MAP3K9: variants seen among roughly 807,000 people sequenced by gnomAD.
MAP3K9 encodes mixed lineage kinase 1 (tyr and ser/thr specificity).
Under a neutral mutation model 95.8 loss-of-function variants are expected in MAP3K9, and 46 were observed. The ratio of observed to expected loss-of-function variants is 0.48; its 90% CI spans 0.38 to 0.61. MAP3K9 has a LOEUF of 0.61. Among genes scored for constraint, MAP3K9 ranks in the 20% least tolerant of loss-of-function variants. MAP3K9 has a pLI of 0.00. For missense variants in MAP3K9, 1,296 were observed against 1,474.3 expected (o/e 0.88, Z 1.98); for synonymous variants, 533 against 593.8 (o/e 0.90, Z 1.49).
intron 2 of MAP3K9, among the ~76,000 whole-genome samples, chr14:70,798,957 CAAG>C (rs1318868203): frequency 6.6e-6 from 1 of 152,060 alleles, no homozygotes; most frequent in Non-Finnish European, 1.5e-5. Flanking sequence ...CATACCCTTA[CAAG>C]AAGGAGTTTT....
chr14:70,760,876 G>T, intron 3 of MAP3K9, 126 bp downstream of exon 3: 3 of 919,058 alleles, frequency 3.3e-6, no homozygotes, highest in Non-Finnish European at 3.3e-6. Flanking sequence ...ATGACTCTTG[G>T]GGGAGGTCAC....
chr14:70,806,174 C>T lies in MAP3K9; in HGVS notation c.406+2592G>A, dbSNP rs1216906376. Among the ~76,000 whole-genome samples, 3 of 152,202 alleles carry T rather than the reference C, an allele frequency of 2.0e-5. No homozygotes were observed. In the South Asian group the frequency reaches 6.2e-4, roughly 32 times the overall value. Reference sequence around the variant, plus strand: ...AGACAAGGTTTGTCAATCGTCTTCACTTTCCGAGTGACACAAACTGATCTG... The same window carrying T: ...AGACAAGGTTTGTCAATCGTCTTCATTTTCCGAGTGACACAAACTGATCTG... On this transcript the variant is annotated intron_variant, in intron 1 of 11. Coordinates refer to ENST00000554752, the MANE Select transcript of MAP3K9 (RefSeq NM_001284230.2).
At chr14:70,769,411 A>G (rs1202518912) in intron 2 of MAP3K9, among the ~76,000 whole-genome samples, 1 of 152,188 alleles carries the variant, frequency 6.6e-6, no homozygotes, top group Non-Finnish European at 1.5e-5. Flanking sequence ...AGCTATGTAC[A>G]CATCTCTAAA....
At chr14:70,795,164 T>G (rs116933029) in intron 2 of MAP3K9, among the ~76,000 whole-genome samples, 2,820 of 151,388 alleles carry the variant, frequency 0.019, 36 homozygotes, top group Non-Finnish European at 0.03. Context: ...CGGCTATTTT[T>G]TTTGTTTGTT....
Position 70,732,858 on chromosome 14 carries a change from G to A in MAP3K9, c.2511C>T (p.Leu837=). 6.2e-7 allele frequency: 1 copy of A among 1,613,982 alleles called. No individual in the cohort carries two copies. The highest frequency in any genetic ancestry group is 8.5e-7 in the Non-Finnish European group (1 of 1,179,904). The change falls in exon 11 of 12, where the codon CTC becomes CTT. Residue 837 remains leucine (L), a synonymous_variant. Transcript: ENST00000554752. ...DPSASLTLLS[L]SSISECNSTR... ...TGGAGTTGCACTCGGAGATGGAGGA[G>A]AGGGAGAGCAGCGTCAGGGAGGCAG...
chr14:70,788,395 C>A (rs973448761), intron 2 of MAP3K9, among the ~76,000 whole-genome samples: 1 of 152,314 alleles, frequency 6.6e-6, no homozygotes, highest in South Asian at 2.1e-4. Flanking sequence ...AAGAACTTCA[C>A]CTAGATGATC....
intron 5 of MAP3K9, 83 bp from the exon 6 acceptor site, chr14:70,742,674 G>A: frequency 6.6e-7 from 1 of 1,509,288 alleles, no homozygotes; most frequent in South Asian, 1.3e-5. Context: ...AGAGCTCCCA[G>A]AGGGCTTATG....
intron 2 of MAP3K9, among the ~76,000 whole-genome samples, chr14:70,789,212 GCA>G (rs1025834486): frequency 6.6e-6 from 1 of 152,168 alleles, no homozygotes; most frequent in African/African-American, 2.4e-5. Flanking sequence ...AGAGGCTTTT[GCA>G]CAGTTAGAAG....
chr14:70,741,353 G>T (rs766646807), intron 6 of MAP3K9, among the ~76,000 whole-genome samples: 65 of 152,106 alleles, frequency 4.3e-4, no homozygotes, highest in Non-Finnish European at 7.3e-4. Context: ...GCCTCCCAAA[G>T]TGCTGGGATT....
At chr14:70,805,455 C>T (rs140127494) in intron 1 of MAP3K9, among the ~76,000 whole-genome samples, 10 of 152,246 alleles carry the variant, frequency 6.6e-5, no homozygotes, top group South Asian at 2.1e-4. Context: ...AAAATAAAGA[C>T]GATGGATGAG....
chr14:70,757,536 A>G (rs1363610426), intron 3 of MAP3K9, among the ~76,000 whole-genome samples: 1 of 152,042 alleles, frequency 6.6e-6, no homozygotes, highest in African/African-American at 2.4e-5. Context: ...CCAGCTATCT[A>G]TTTTGTATAA....
At chr14:70,789,972 G>A (rs1215897687) in intron 2 of MAP3K9, among the ~76,000 whole-genome samples, 2 of 152,188 alleles carry the variant, frequency 1.3e-5, no homozygotes, top group Non-Finnish European at 2.9e-5. Flanking sequence ...AAGTGAGCAG[G>A]AAGCAAGTGT....
intron 3 of MAP3K9, among the ~76,000 whole-genome samples, chr14:70,758,373 C>CT (rs949490713): frequency 2.6e-5 from 4 of 151,946 alleles, no homozygotes; most frequent in South Asian, 2.1e-4. Context: ...ATAATAATAA[C>CT]TTTTTTTTTA....
Position 70,734,484 on chromosome 14 carries a change from A to T in MAP3K9, c.1928T>A (p.Val643Glu), listed in dbSNP as rs759655188. ...GGACGACCACTGCTTATATCCATCT[A>T]CCAGGGACTTGAGGCTGAATCAGAG... is the stretch of plus-strand genomic sequence containing the variant. ...PHFHLGLKSL[V>E]DGYKQWSSSA... The change falls in exon 10 of 12, where the codon GTA becomes GAA. Residue 643 changes from valine to glutamate, a missense_variant. This residue lies in a region of MAP3K9 where 377 missense variants were observed against 417.1 expected (regional missense o/e 0.90). Coordinates refer to ENST00000554752, the MANE Select transcript of MAP3K9 (RefSeq NM_001284230.2). 5 of 1,607,376 alleles carry T rather than the reference A, an allele frequency of 3.1e-6. No individual in the cohort carries two copies. The highest frequency in any genetic ancestry group is 3.4e-6 in the Non-Finnish European group (4 of 1,175,210).
intron 2 of MAP3K9, among the ~76,000 whole-genome samples, chr14:70,798,451 T>C (rs544371041): frequency 6.6e-6 from 1 of 150,456 alleles, no homozygotes; most frequent in East Asian, 1.9e-4. Context: ...AGAAATTACT[T>C]TGAAAAGAGG....
intron 7 of MAP3K9, 118 bp from the exon 8 acceptor site, chr14:70,738,516 A>G (rs1483523795): frequency 1.1e-6 from 1 of 877,194 alleles, no homozygotes; most frequent in Non-Finnish European, 1.7e-6. Flanking sequence ...GTTAGACCTT[A>G]TCAAAAACTC....
chr14:70,798,317 C>G lies in MAP3K9; in HGVS notation c.820+2350G>C, dbSNP rs1200405934. Among the ~76,000 whole-genome samples, 2 of 152,208 alleles carry G rather than the reference C, an allele frequency of 1.3e-5. 1 individual carries two copies. Among genetic ancestry groups the G allele is most frequent in the South Asian group, 4.1e-4 (2 of 4,826 alleles). On this transcript the variant is annotated intron_variant, in intron 2 of 11. Coordinates refer to ENST00000554752, the MANE Select transcript of MAP3K9 (RefSeq NM_001284230.2). The stretch of plus-strand genomic sequence containing the variant: ...CCTAGCCCAACTTTCTAAATGGGTT[C>G]AATTATGTAACTTTACAGTACTTTG...
intron 5 of MAP3K9, among the ~76,000 whole-genome samples, chr14:70,746,944 G>A (rs748453246): frequency 6.6e-6 from 1 of 152,168 alleles, no homozygotes; most frequent in East Asian, 1.9e-4. Context: ...TTTAGTGAGA[G>A]GAACAGTCTT....
intron 2 of MAP3K9, among the ~76,000 whole-genome samples, chr14:70,775,442 G>A (rs2054585820): frequency 6.6e-6 from 1 of 152,170 alleles, no homozygotes; most frequent in Admixed American, 6.5e-5. Context: ...GGGGTCAAAT[G>A]TTGAGAAGAT....
Sources: allele counts gnomAD v4.1 joint callset (sites outside exome capture counted in the v4.1 genomes callset), GRCh38; gene constraint gnomAD v4.1.1; regional missense constraint gnomAD v4.1.1; transcripts MANE v1.5; gene names NCBI Gene and HGNC (gene_info 2026-07-23, HGNC 2026-07-21).